CDH13: variants seen among roughly 807,000 people sequenced by gnomAD.
The protein encoded by CDH13 is cadherin-13.
Under a neutral mutation model 63.8 loss-of-function variants are expected in CDH13, and 24 were observed. The observed-to-expected ratio is 0.38, with a 90% CI of 0.27 to 0.53. CDH13 has a LOEUF of 0.53. Ranked by LOEUF, CDH13 falls within the 20% of genes least tolerant of loss-of-function variation. The pLI, the probability that CDH13 is intolerant of heterozygous loss-of-function variation, is 0.85. For synonymous variants in CDH13, 503 were observed against 355.3 expected (o/e 1.42, Z -4.67); for missense variants, 1,049 against 903.1 (o/e 1.16, Z -2.07).
intron 11 of CDH13, among the ~76,000 whole-genome samples, chr16:83,756,184 G>A (rs1184669838): frequency 1.3e-5 from 2 of 151,716 alleles, no homozygotes; most frequent in Non-Finnish European, 2.9e-5. Flanking sequence ...AGAAAGGAGG[G>A]GGAACAACAT....
intron 1 of CDH13, among the ~76,000 whole-genome samples, chr16:82,750,721 T>G (rs995706867): frequency 1.3e-5 from 2 of 152,168 alleles, no homozygotes; most frequent in African/African-American, 2.4e-5. Flanking sequence ...TAAGGAGAAA[T>G]TCTCTAAGTC....
At chr16:83,316,287 G>A (rs2090103366) in intron 5 of CDH13, among the ~76,000 whole-genome samples, 1 of 152,168 alleles carries the variant, frequency 6.6e-6, no homozygotes, top group Non-Finnish European at 1.5e-5. Context: ...GTGACACAGA[G>A]GCAGACCATA....
chr16:83,472,943 G>C (rs532580890), intron 6 of CDH13, among the ~76,000 whole-genome samples: 1 of 152,270 alleles, frequency 6.6e-6, no homozygotes, highest in South Asian at 2.1e-4. Context: ...ACATCTGTCA[G>C]TTCTGACATC....
At chr16:82,850,990 T>G (rs1397463060) in intron 1 of CDH13, among the ~76,000 whole-genome samples, 1 of 152,246 alleles carries the variant, frequency 6.6e-6, no homozygotes, top group Admixed American at 6.5e-5. Context: ...TTTATTGTAA[T>G]ATTTGTTTTA....
At chr16:82,739,082 C>G (rs1375308574) in intron 1 of CDH13, among the ~76,000 whole-genome samples, 2 of 152,202 alleles carry the variant, frequency 1.3e-5, no homozygotes, top group East Asian at 1.9e-4. Flanking sequence ...GAACTGTGCC[C>G]TGGTTATGAT....
intron 6 of CDH13, among the ~76,000 whole-genome samples, chr16:83,421,642 A>C (rs1376759679): frequency 1.3e-5 from 2 of 151,290 alleles, no homozygotes; most frequent in East Asian, 1.9e-4. Context: ...TATGATTTTT[A>C]ATTATTCAGG....
intron 11 of CDH13, among the ~76,000 whole-genome samples, chr16:83,771,619 C>A (rs1362536373): frequency 6.6e-6 from 1 of 152,196 alleles, no homozygotes; most frequent in Admixed American, 6.5e-5. Context: ...AAATGATAAC[C>A]CTTTCCCCCT....
intron 5 of CDH13, among the ~76,000 whole-genome samples, chr16:83,328,582 A>G (rs894021033): frequency 1.3e-5 from 2 of 152,180 alleles, no homozygotes; most frequent in Non-Finnish European, 1.5e-5. Flanking sequence ...CAACTCAGAA[A>G]CAATTTACTA....
intron 5 of CDH13, among the ~76,000 whole-genome samples, chr16:83,337,982 C>G (rs1382156151): frequency 6.6e-6 from 1 of 151,922 alleles, no homozygotes. Context: ...AGTGTGAGCA[C>G]AGTGAGGGGA....
chr16:83,079,591 C>T (rs1387000445), intron 3 of CDH13, among the ~76,000 whole-genome samples: 2 of 152,230 alleles, frequency 1.3e-5, no homozygotes, highest in Admixed American at 1.3e-4. Flanking sequence ...ATGTAATTAA[C>T]TCAAATTAGG....
chr16:83,682,943 C>T (rs987596453), intron 10 of CDH13, among the ~76,000 whole-genome samples: 8 of 152,218 alleles, frequency 5.3e-5, no homozygotes, highest in African/African-American at 1.7e-4. Context: ...CCCAACCCCA[C>T]TGAAACTTAG....
intron 5 of CDH13, among the ~76,000 whole-genome samples, chr16:83,238,223 T>TAA (rs11423173): frequency 0.04 from 5,992 of 149,628 alleles, 190 homozygotes; most frequent in African/African-American, 0.093. Context: ...GTAATTCATT[T>TAA]AAAAAAAAAA....
At chr16:82,883,152 G>A (rs1255327689) in intron 2 of CDH13, among the ~76,000 whole-genome samples, 1 of 152,208 alleles carries the variant, frequency 6.6e-6, no homozygotes, top group African/African-American at 2.4e-5. Flanking sequence ...GAAGAGATAA[G>A]AAATGAGAGG....
chr16:82,742,617 T>TG (rs1352915241), intron 1 of CDH13, among the ~76,000 whole-genome samples: 2 of 152,190 alleles, frequency 1.3e-5, no homozygotes, highest in African/African-American at 2.4e-5. Context: ...TATGAAATTC[T>TG]GTTTTCTCTA....
chr16:83,016,252 C>G (rs1216359524), intron 2 of CDH13, among the ~76,000 whole-genome samples: 1 of 152,172 alleles, frequency 6.6e-6, no homozygotes, highest in Non-Finnish European at 1.5e-5. Context: ...GTATTGTAAG[C>G]CAAATCATTG....
chr16:82,746,357 C>T (rs1450593581), intron 1 of CDH13, among the ~76,000 whole-genome samples: 1 of 149,916 alleles, frequency 6.7e-6, no homozygotes, highest in Non-Finnish European at 1.5e-5. Context: ...AGTACTTTGA[C>T]ATTTCTTTAA....
At chr16:82,707,504 G>A (rs889191445) in intron 1 of CDH13, among the ~76,000 whole-genome samples, 4 of 152,144 alleles carry the variant, frequency 2.6e-5, no homozygotes, top group Non-Finnish European at 5.9e-5. Context: ...TTATTCACAG[G>A]CAAAATATTT....
At chr16:82,869,609 C>G (rs538460704) in intron 2 of CDH13, among the ~76,000 whole-genome samples, 45 of 152,230 alleles carry the variant, frequency 3.0e-4, no homozygotes. Flanking sequence ...GTAACTAAAA[C>G]AGTGTGATAC....
At chr16:83,090,229 G>C (rs145217835) in intron 3 of CDH13, among the ~76,000 whole-genome samples, 18 of 152,148 alleles carry the variant, frequency 1.2e-4, no homozygotes, top group Non-Finnish European at 2.5e-4. Context: ...CCAGTCTACA[G>C]CATGTTCCCT....
Sources: gnomAD v4.1 joint callset for allele counts (sites outside exome capture counted in the v4.1 genomes callset) on GRCh38, gnomAD v4.1.1 for gene constraint, MANE v1.5 for transcripts, NCBI Gene and HGNC (gene_info 2026-07-23, HGNC 2026-07-21) for gene names.